The following RANBP1 variants were observed in gnomAD, a reference collection of about 807,000 sequenced individuals.
RANBP1 encodes the protein ran-specific GTPase-activating protein.
A neutral mutation model predicts 31.4 loss-of-function variants in RANBP1; 16 were observed. The observed-to-expected ratio is 0.51, with a 90% CI of 0.34 to 0.77. The LOEUF is 0.77. Among genes scored for constraint, RANBP1 ranks in the 30% least tolerant of loss-of-function variants. The pLI is 0.01. For missense variants in RANBP1, 265 were observed against 362.0 expected (o/e 0.73, Z 2.17); for synonymous variants, 129 against 140.5 (o/e 0.92, Z 0.58).
At chr22:20,126,443 T>C (rs750296055) in intron 5 of RANBP1, 75 bp downstream of exon 5, 19 of 1,609,312 alleles carry the variant, frequency 1.2e-5, no homozygotes, top group Non-Finnish European at 1.5e-5. Context: ...AGGCGGGTGC[T>C]TTTTCTGTCT....
intron 1 of RANBP1, chr22:20,116,936 G>T: frequency 6.3e-7 from 1 of 1,582,106 alleles, no homozygotes; most frequent in Non-Finnish European, 8.6e-7. Context: ...CTAGACCAGG[G>T]ACGCCATGGG....
chr22:20,127,011 G>T lies in RANBP1; in HGVS notation c.796G>T (p.Val266Leu). 2 of 1,613,822 alleles carry T rather than the reference G, an allele frequency of 1.2e-6. No homozygotes were observed. The highest frequency in any genetic ancestry group is 1.7e-6 in the Non-Finnish European group (2 of 1,179,904). The change falls in exon 6 of 6, where the codon GTG (valine) becomes TTG (leucine). Residue 266 changes from valine to leucine, a missense_variant. This residue lies in a region of RANBP1 where 49 missense variants were observed against 47.9 expected (regional missense o/e 1.02). Coordinates refer to ENST00000430524, the MANE Select transcript of RANBP1 (RefSeq NM_001278639.2). ...KVAEKLEALS[V>L]KEETKEDAEE... ...GGCGGAAAAGCTAGAAGCTCTCTCG[G>T]TGAAGGAGGAGACCAAGGAGGATGC...
intron 4 of RANBP1, 48 bp from the exon 5 acceptor site, chr22:20,126,255 C>T (rs757316608): frequency 3.3e-5 from 52 of 1,589,794 alleles, no homozygotes; most frequent in Non-Finnish European, 4.1e-5. Context: ...GGGCATGTCT[C>T]TTCCACTGCT....
At chr22:20,118,985 G>A in intron 1 of RANBP1, 28 bp from the exon 2 acceptor site, 1 of 1,606,436 alleles carries the variant, frequency 6.2e-7, no homozygotes, top group Non-Finnish European at 8.5e-7. Flanking sequence ...CCATAGGCCA[G>A]CAGTGTAACC....
At chr22:20,117,078 G>A in intron 1 of RANBP1, 6 of 854,858 alleles carry the variant, frequency 7.0e-6, no homozygotes, top group Non-Finnish European at 1.1e-5. Context: ...CTTCGCCCCA[G>A]GCGGGGCGGG....
intron 3 of RANBP1, among the ~76,000 whole-genome samples, chr22:20,123,810 C>G (rs1257711333): frequency 6.6e-6 from 1 of 152,070 alleles, no homozygotes; most frequent in African/African-American, 2.4e-5. Flanking sequence ...ACCTGCACTG[C>G]CCAGCTTGTT....
At chr22:20,120,562 TGA>T (rs1193750072) in intron 2 of RANBP1, among the ~76,000 whole-genome samples, 2 of 152,198 alleles carry the variant, frequency 1.3e-5, no homozygotes, top group Non-Finnish European at 2.9e-5. Flanking sequence ...CAGAGTCGTC[TGA>T]GAGAGGCAGG....
chr22:20,119,081 G>C lies in RANBP1; in HGVS notation c.315G>C (p.Glu105Asp). Residue 105 changes from glutamate (E) to aspartate (D), a missense_variant, in exon 2 of 6, where the codon GAG (glutamate) becomes GAC (aspartate). Glu to Asp is a conservative substitution (Grantham distance 45). Around this residue, in one of 3 missense-constraint regions of RANBP1, gnomAD observed 90 missense variants for 190.5 expected, o/e 0.47. Coordinates refer to ENST00000430524, the MANE Select transcript of RANBP1 (RefSeq NM_001278639.2). ...TDESNHDPQF[E>D]PIVSLPEQEI... ...AGTCCAACCATGACCCTCAGTTTGA[G>C]CCAATAGTTTCTCTTCCTGAGCAAG... The C allele has an allele frequency of 1.2e-6, 2 of 1,612,698 alleles. No individual in the cohort carries two copies.
chr22:20,116,883 C>T (rs369061846), intron 1 of RANBP1: 1 of 1,605,054 alleles, frequency 6.2e-7, no homozygotes, highest in Admixed American at 1.7e-5. Flanking sequence ...CGCACTCTAC[C>T]TCGTTGTCGA....
intron 2 of RANBP1, among the ~76,000 whole-genome samples, chr22:20,121,540 G>T (rs944265690): frequency 1.3e-5 from 2 of 149,590 alleles, no homozygotes; most frequent in Non-Finnish European, 3.0e-5. Flanking sequence ...GGGCCACTGT[G>T]CCCTGTTTTG....
intron 2 of RANBP1, chr22:20,119,353 G>C: frequency 1.8e-6 from 1 of 569,006 alleles, no homozygotes; most frequent in Non-Finnish European, 3.1e-6. Context: ...GCAGCCAGTT[G>C]CATGAAGGGC....
chr22:20,116,998 C>T, intron 1 of RANBP1: 3 of 1,483,872 alleles, frequency 2.0e-6, no homozygotes, highest in Non-Finnish European at 2.8e-6. Flanking sequence ...TGGCCTGTCA[C>T]AAGGGAAGTG....
At chr22:20,121,565 A>G (rs1640407) in intron 2 of RANBP1, among the ~76,000 whole-genome samples, 3 of 140,868 alleles carry the variant, frequency 2.1e-5, no homozygotes, top group African/African-American at 8.1e-5. Flanking sequence ...GTTTTTTTTT[A>G]AAATAGGGTC....
chr22:20,124,987 A>C, intron 3 of RANBP1: 1 of 336,648 alleles, frequency 3.0e-6, no homozygotes, highest in Non-Finnish European at 5.5e-6. Context: ...GCATTTCTGG[A>C]GGTGGGGGTC....
At chr22:20,118,820 C>T (rs977148905) in intron 1 of RANBP1, among the ~76,000 whole-genome samples, 193 bp from the exon 2 acceptor site, 7 of 152,234 alleles carry the variant, frequency 4.6e-5, no homozygotes, top group African/African-American at 1.4e-4. Context: ...TCTGTGCTCA[C>T]ATGGAGCTGG....
chr22:20,123,924 A>G (rs939319449), intron 3 of RANBP1, among the ~76,000 whole-genome samples: 1 of 151,968 alleles, frequency 6.6e-6, no homozygotes, highest in Non-Finnish European at 1.5e-5. Context: ...CCCTCATCCC[A>G]GGTGCAGGAT....
intron 1 of RANBP1, chr22:20,118,249 T>C (rs1208699711): frequency 1.0e-6 from 1 of 1,002,406 alleles, no homozygotes; most frequent in Non-Finnish European, 1.2e-6. Context: ...AAGCTTATGT[T>C]TTCTTTTCCA....
At chr22:20,117,948 C>T in intron 1 of RANBP1, 1 of 1,007,672 alleles carries the variant, frequency 9.9e-7, no homozygotes, top group South Asian at 4.6e-5. Context: ...CGCGGGACGG[C>T]CCCAGCCTCC....
intron 5 of RANBP1, 69 bp downstream of exon 5, chr22:20,126,437 G>T: frequency 6.2e-7 from 1 of 1,611,356 alleles, no homozygotes; most frequent in South Asian, 1.1e-5. Flanking sequence ...ACTTCCAGGC[G>T]GGTGCTTTTT....
Sources: gnomAD v4.1 joint callset for allele counts (sites outside exome capture counted in the v4.1 genomes callset) on GRCh38, gnomAD v4.1.1 for gene constraint, gnomAD v4.1.1 regional missense constraint, MANE v1.5 for transcripts, NCBI Gene and HGNC (gene_info 2026-07-23, HGNC 2026-07-21) for gene names.